CSMD1: variants seen among roughly 807,000 people sequenced by gnomAD.
CSMD1 encodes the protein CUB and sushi domain-containing protein 1.
A neutral mutation model predicts 417.5 loss-of-function variants in CSMD1; 213 were observed. That is an observed-to-expected ratio of 0.51 (90% confidence interval 0.46 to 0.57). The LOEUF (loss-of-function observed/expected upper bound fraction) is 0.57, where lower values mean the gene tolerates loss of function less well. Ranked by LOEUF, CSMD1 falls within the 20% of genes least tolerant of loss-of-function variation. CSMD1 has a pLI of 0.00. For synonymous variants in CSMD1, 2,862 were observed against 1,736.8 expected (o/e 1.65, Z -16.11); for missense variants, 6,923 against 4,529.7 (o/e 1.53, Z -15.17).
chr8:3,714,962 C>T (rs984933836), intron 6 of CSMD1, among the ~76,000 whole-genome samples: 1 of 152,082 alleles, frequency 6.6e-6, no homozygotes, highest in African/African-American at 2.4e-5. Context: ...TTTCTAGGAG[C>T]ATTTACACTA....
intron 7 of CSMD1, among the ~76,000 whole-genome samples, chr8:3,701,565 G>C (rs947969203): frequency 2.6e-5 from 4 of 151,538 alleles, no homozygotes; most frequent in South Asian, 2.1e-4. Flanking sequence ...TTACCCACTA[G>C]TGTATTTTAT....
At chr8:3,530,951 C>G (rs1391325062) in intron 10 of CSMD1, among the ~76,000 whole-genome samples, 1 of 151,918 alleles carries the variant, frequency 6.6e-6, no homozygotes, top group Non-Finnish European at 1.5e-5. Context: ...CTCCCAGGTT[C>G]AAGCGATTCT....
chr8:4,372,775 A>T (rs1802473014), intron 3 of CSMD1, among the ~76,000 whole-genome samples: 1 of 152,298 alleles, frequency 6.6e-6, no homozygotes, highest in South Asian at 2.1e-4. Context: ...TGGATAACCC[A>T]AAGTGTACAA....
chr8:2,989,608 G>A (rs1171588375), intron 54 of CSMD1, among the ~76,000 whole-genome samples: 1 of 152,186 alleles, frequency 6.6e-6, no homozygotes, highest in African/African-American at 2.4e-5. Context: ...CAACGAATTT[G>A]TTTAAGCTGT....
chr8:4,578,943 C>T (rs948507753), intron 2 of CSMD1, among the ~76,000 whole-genome samples: 1 of 150,890 alleles, frequency 6.6e-6, no homozygotes, highest in Admixed American at 6.6e-5. Flanking sequence ...TAAATCAATA[C>T]ATTTAATTAA....
At chr8:4,162,542 A>T in intron 3 of CSMD1, among the ~76,000 whole-genome samples, 1 of 152,090 alleles carries the variant, frequency 6.6e-6, no homozygotes, top group East Asian at 1.9e-4. Flanking sequence ...TGATATTTTT[A>T]ATTTATTTTA....
intron 20 of CSMD1, among the ~76,000 whole-genome samples, chr8:3,360,422 A>T (rs1809084468): frequency 6.6e-6 from 1 of 152,206 alleles, no homozygotes; most frequent in Non-Finnish European, 1.5e-5. Context: ...TCCATTATCA[A>T]GTCCATGGTT....
At chr8:3,920,616 C>A (rs1809173906) in intron 5 of CSMD1, among the ~76,000 whole-genome samples, 1 of 152,056 alleles carries the variant, frequency 6.6e-6, no homozygotes, top group Non-Finnish European at 1.5e-5. Flanking sequence ...ATGGGCTTGT[C>A]ATATATGACC....
chr8:4,207,132 A>T (rs1328840271), intron 3 of CSMD1, among the ~76,000 whole-genome samples: 5 of 152,180 alleles, frequency 3.3e-5, no homozygotes, highest in Non-Finnish European at 7.4e-5. Flanking sequence ...AAAATAGGAC[A>T]GTTGGTAAAA....
chr8:4,737,378 T>A (rs530498636), intron 1 of CSMD1, among the ~76,000 whole-genome samples: 71 of 151,654 alleles, frequency 4.7e-4, no homozygotes, highest in Non-Finnish European at 9.0e-4. Flanking sequence ...AAAAAAAAAA[T>A]AACTAATGGG....
At chr8:4,501,397 G>C (rs925155153) in intron 2 of CSMD1, among the ~76,000 whole-genome samples, 1 of 151,892 alleles carries the variant, frequency 6.6e-6, no homozygotes, top group Admixed American at 6.6e-5. Flanking sequence ...ACTATTTTAG[G>C]CAATAGAACG....
At chr8:4,227,124 G>A (rs77974237) in intron 3 of CSMD1, among the ~76,000 whole-genome samples, 4,408 of 152,238 alleles carry the variant, frequency 0.029, 204 homozygotes, top group African/African-American at 0.1. Flanking sequence ...TCGCCCCCAA[G>A]AGAAGGGTTT....
chr8:3,245,902 A>G (rs1000678180), intron 26 of CSMD1, among the ~76,000 whole-genome samples: 1 of 152,204 alleles, frequency 6.6e-6, no homozygotes, highest in Admixed American at 6.5e-5. Flanking sequence ...TGCCAGTGAC[A>G]TGAATCGCAT....
At chr8:4,319,653 G>A (rs183917322) in intron 3 of CSMD1, among the ~76,000 whole-genome samples, 4 of 152,078 alleles carry the variant, frequency 2.6e-5, no homozygotes, top group Non-Finnish European at 5.9e-5. Context: ...TCACTGCCTG[G>A]AAAGAGAGGC....
intron 25 of CSMD1, among the ~76,000 whole-genome samples, chr8:3,298,386 T>C (rs916591447): frequency 2.0e-5 from 3 of 152,160 alleles, no homozygotes; most frequent in East Asian, 1.9e-4. Context: ...TCAGGAAATA[T>C]CTAACGGTAT....
chr8:4,003,183 G>A (rs1266053383), intron 4 of CSMD1, among the ~76,000 whole-genome samples: 1 of 152,160 alleles, frequency 6.6e-6, no homozygotes, highest in African/African-American at 2.4e-5. Flanking sequence ...CACGAGGTCA[G>A]GAGATCGAGA....
intron 2 of CSMD1, among the ~76,000 whole-genome samples, chr8:4,463,723 AGT>A (rs1461142875): frequency 6.6e-6 from 1 of 152,150 alleles, no homozygotes; most frequent in Non-Finnish European, 1.5e-5. Flanking sequence ...AAAATAAATT[AGT>A]GTTTCCTTTG....
chr8:4,409,255 C>G (rs543964846), intron 3 of CSMD1, among the ~76,000 whole-genome samples: 1 of 152,182 alleles, frequency 6.6e-6, no homozygotes, highest in Non-Finnish European at 1.5e-5. Context: ...AACTTACATA[C>G]TTCCTACTTA....
chr8:4,788,759 T>A (rs201423119), intron 1 of CSMD1, among the ~76,000 whole-genome samples: 16 of 151,140 alleles, frequency 1.1e-4, no homozygotes, highest in South Asian at 2.1e-4. Flanking sequence ...CTAAAAAAAA[T>A]AAAAAAAAAT....
Sources: gnomAD v4.1 joint callset for allele counts (sites outside exome capture counted in the v4.1 genomes callset) on GRCh38, gnomAD v4.1.1 for gene constraint, MANE v1.5 for transcripts, NCBI Gene and HGNC (gene_info 2026-07-23, HGNC 2026-07-21) for gene names.